Variants in LAMA4 observed in about 807,000 individuals in gnomAD.
LAMA4 encodes laminin subunit alpha-4.
Under a neutral mutation model 207.1 loss-of-function variants are expected in LAMA4, and 127 were observed. The ratio of observed to expected loss-of-function variants is 0.61; its 90% CI spans 0.53 to 0.71. The LOEUF is 0.71. Ranked by LOEUF, LAMA4 falls within the 30% of genes least tolerant of loss-of-function variation. The pLI, the probability that LAMA4 is intolerant of heterozygous loss-of-function variation, is 0.00. For synonymous variants in LAMA4, 761 were observed against 816.0 expected (o/e 0.93, Z 1.15); for missense variants, 2,093 against 2,246.5 (o/e 0.93, Z 1.38).
intron 2 of LAMA4, among the ~76,000 whole-genome samples, chr6:112,223,071 C>T (rs2115091942): frequency 6.6e-6 from 1 of 152,284 alleles, no homozygotes; most frequent in East Asian, 1.9e-4. Context: ...CTGCTAACAT[C>T]TGGCTTTCTG....
chr6:112,178,047 C>T (rs1782125566), intron 10 of LAMA4, 74 bp downstream of exon 10: 2 of 1,015,048 alleles, frequency 2.0e-6, no homozygotes, highest in African/African-American at 3.2e-5. Flanking sequence ...TTAACAGTAG[C>T]CATTATGCCT....
At chr6:112,241,995 A>C (rs1786552840) in intron 2 of LAMA4, among the ~76,000 whole-genome samples, 1 of 152,172 alleles carries the variant, frequency 6.6e-6, no homozygotes, top group Non-Finnish European at 1.5e-5. Context: ...TACCAAGAAA[A>C]ACATCACAAT....
In LAMA4 at chr6:112,175,001, A is replaced by T. The variant is rs140989200; in HGVS notation, c.1357+312T>A. On this transcript the variant is annotated intron_variant, in intron 11 of 38. Transcript: ENST00000230538. ...TGCCTTCTCAATAAAATTTCTTTAA[A>T]TGTAGTTCTGGGAATTGGTTTCCTT... is the stretch of plus-strand genomic sequence containing the variant. 0.018 allele frequency among the ~76,000 whole-genome samples: 2,725 copies of T among 152,310 alleles called. 41 individuals are homozygous for T. The highest frequency in any genetic ancestry group is 0.058 in the Middle Eastern group (17 of 294).
At chr6:112,235,018 C>T (rs1256579844) in intron 2 of LAMA4, among the ~76,000 whole-genome samples, 1 of 152,144 alleles carries the variant, frequency 6.6e-6, no homozygotes, top group Non-Finnish European at 1.5e-5. Flanking sequence ...TTATTCTCAC[C>T]ATACTGAGGA....
chr6:112,173,596 G>C (rs1351088752), intron 11 of LAMA4, among the ~76,000 whole-genome samples: 1 of 152,170 alleles, frequency 6.6e-6, no homozygotes, highest in Admixed American at 6.5e-5. Flanking sequence ...GGAAACATCT[G>C]GCATTGACTG....
At chr6:112,253,659 C>T (rs531448572) in intron 2 of LAMA4, 2 of 1,347,990 alleles carry the variant, frequency 1.5e-6, no homozygotes, top group African/African-American at 1.4e-5. Flanking sequence ...CAGAAGTCAC[C>T]GATGTGCTGC....
intron 32 of LAMA4, chr6:112,121,740 C>T: frequency 2.6e-6 from 1 of 384,592 alleles, no homozygotes; most frequent in East Asian, 5.8e-5. Context: ...TTGAAACTTG[C>T]TCCATCTTCC....
intron 5 of LAMA4, among the ~76,000 whole-genome samples, chr6:112,198,171 G>C (rs1406617401): frequency 2.6e-5 from 4 of 152,096 alleles, no homozygotes; most frequent in Admixed American, 2.0e-4. Flanking sequence ...CAGGTCCTGG[G>C]CCTCAGCCCT....
At position 112,158,832 on chromosome 6, in the gene LAMA4, G is replaced by A. The variant is rs782350819; in HGVS notation, c.1717C>T (p.Gln573Ter). Residue 573 changes from glutamine to a stop codon, truncating the protein, a stop_gained, in exon 14 of 39, where the codon CAA becomes TAA. Transcript: ENST00000230538. LOFTEE classifies it high-confidence loss of function. ...AEIDGAKSEL[Q>*]VKLSNLSNLS... ...TTACTTAGGTTAGATAGTTTTACTT[G>A]TAGTTCACTTTTGGCTCCATCTATT... The A allele has an allele frequency of 6.2e-7, 1 of 1,612,934 alleles. No homozygotes were observed. Among genetic ancestry groups the A allele is most frequent in the South Asian group, 1.1e-5 (1 of 91,062 alleles).
At position 112,191,792 on chromosome 6, in the gene LAMA4, C is replaced by A. The variant is rs782705003; in HGVS notation, c.562G>T (p.Asp188Tyr). The A allele has an allele frequency of 6.2e-7, 1 of 1,614,120 alleles. No homozygotes were observed. The highest frequency in any genetic ancestry group is 2.2e-5 in the East Asian group (1 of 44,846). ...TTGGGATCTGAATTTCCACTGCAGT[C>A]ACATTTCTTACAGGTGCTTCCAATG... ...LLIGSTCKKC[D>Y]CSGNSDPNLI... is the part of the protein sequence containing the mutation. Residue 188 changes from aspartate (D) to tyrosine (Y), a missense_variant, in exon 6 of 39, where the codon GAC becomes TAC. This residue lies in a region of LAMA4 where 1,704 missense variants were observed against 1,788.4 expected (regional missense o/e 0.95). Coordinates refer to ENST00000230538, the MANE Select transcript of LAMA4 (RefSeq NM_001105206.3).
chr6:112,231,166 C>T (rs1292561829), intron 2 of LAMA4, among the ~76,000 whole-genome samples: 2 of 152,196 alleles, frequency 1.3e-5, no homozygotes, highest in African/African-American at 4.8e-5. Context: ...TATCAAGAGT[C>T]TCATAGAAGA....
rs538301192 is a variant in LAMA4 at position 112,194,950 on chromosome 6, T to G, written c.504-3100A>C. Among the ~76,000 whole-genome samples, 12 of 152,308 alleles carry G rather than the reference T, an allele frequency of 7.9e-5. 1 individual carries two copies. The highest frequency in any genetic ancestry group is 7.8e-4 in the Admixed American group (12 of 15,292). On this transcript the variant is annotated intron_variant, in intron 5 of 38. Transcript: ENST00000230538. The stretch of plus-strand genomic sequence containing the variant: ...AATGAAAGGATTGTGGCATATGAAC[T>G]TTGTCATTTTGGTTAGTGATTTTAT...
intron 16 of LAMA4, among the ~76,000 whole-genome samples, chr6:112,153,133 G>T (rs888868306): frequency 7.9e-5 from 12 of 152,018 alleles, no homozygotes; most frequent in Non-Finnish European, 2.9e-5. Flanking sequence ...AGCTTCCTGA[G>T]ATTATATTGA....
chr6:112,207,135 C>T lies in LAMA4; in HGVS notation c.308G>A (p.Arg103Gln), dbSNP rs782029414. The change falls in exon 4 of 39, where the codon CGG becomes CAG. Residue 103 changes from arginine (R) to glutamine (Q), a missense_variant. Physicochemically the swap from Arg to Gln is conservative, Grantham distance 43. This residue lies in a region of LAMA4 where 1,704 missense variants were observed against 1,788.4 expected (regional missense o/e 0.95). Coordinates refer to ENST00000230538, the MANE Select transcript of LAMA4 (RefSeq NM_001105206.3). ...DGSGYCVHCQRNTTGEHCEKC... is the reference protein window; with the variant it reads ...DGSGYCVHCQQNTTGEHCEKC... ...TTCACAGTGCTCTCCTGTTGTGTTC[C>T]GCTGGCAGTGCTATGAGACAAAAGA... 1.2e-5 allele frequency: 19 copies of T among 1,613,704 alleles called. No individual in the cohort carries two copies. The highest frequency in any genetic ancestry group is 6.7e-5 in the Admixed American group (4 of 59,950).
At chr6:112,119,073 C>G in intron 34 of LAMA4, 83 bp downstream of exon 34, 2 of 1,404,442 alleles carry the variant, frequency 1.4e-6, no homozygotes, top group Non-Finnish European at 2.0e-6. Flanking sequence ...TTTCTAGTTT[C>G]CTAATCTGTG....
intron 31 of LAMA4, 22 bp downstream of exon 31, chr6:112,128,900 T>G: frequency 6.2e-7 from 1 of 1,608,862 alleles, no homozygotes; most frequent in Non-Finnish European, 8.5e-7. Flanking sequence ...AATTAGGAAG[T>G]CAGAACGGCA....
Position 112,129,069 on chromosome 6 carries a change from A to G in LAMA4, c.4140T>C (p.Asp1380=), listed in dbSNP as rs1778870276. Residue 1380 remains aspartate (D), a synonymous_variant, in exon 31 of 39, where the codon GAT becomes GAC. Transcript: ENST00000230538. ...GGAAATCTTCAACCTCCACATCTCT[A>G]TCCACCCTGTGTTTGTAACAGAGGA... ...CISNAYFTRV[D]RDVEVEDFQR... is the part of the protein sequence containing the mutation. The G allele has an allele frequency of 1.2e-6, 2 of 1,610,996 alleles. No homozygotes were observed. Among genetic ancestry groups the G allele is most frequent in the East Asian group, 4.5e-5 (2 of 44,796 alleles).
intron 29 of LAMA4, among the ~76,000 whole-genome samples, chr6:112,130,594 T>TA (rs1778981114): frequency 6.6e-6 from 1 of 152,116 alleles, no homozygotes; most frequent in Admixed American, 6.6e-5. Flanking sequence ...TAAAATGCCA[T>TA]AAATGTTGCA....
chr6:112,134,384 GT>G, intron 26 of LAMA4, 82 bp downstream of exon 26: 1 of 1,383,078 alleles, frequency 7.2e-7, no homozygotes. Context: ...GTAAGGGTGC[GT>G]ACACTGTTAC....
Sources: allele counts gnomAD v4.1 joint callset (sites outside exome capture counted in the v4.1 genomes callset), GRCh38; gene constraint gnomAD v4.1.1; regional missense constraint gnomAD v4.1.1; transcripts MANE v1.5; gene names NCBI Gene and HGNC (gene_info 2026-07-23, HGNC 2026-07-21).